The following SLC2A2 variants were observed in gnomAD, a reference collection of about 807,000 sequenced individuals.
The protein encoded by SLC2A2 is solute carrier family 2 member 2, also known as solute carrier family 2, facilitated glucose transporter member 2.
A neutral mutation model predicts 54.5 loss-of-function variants in SLC2A2; 36 were observed. That is an observed-to-expected ratio of 0.66 (90% CI 0.51 to 0.87). The LOEUF is 0.87. SLC2A2 is among the 40% of genes least tolerant of loss of function. The pLI is 0.00. For missense variants in SLC2A2, 543 were observed against 624.3 expected, an observed-to-expected ratio of 0.87 and a Z score of 1.39; for synonymous variants, 223 against 219.1, an observed-to-expected ratio of 1.02 and a Z score of -0.16.
intron 1 of SLC2A2, among the ~76,000 whole-genome samples, chr3:171,019,057 A>ATGTG (rs762355106): frequency 0.028 from 3,899 of 137,792 alleles, 81 homozygotes; most frequent in African/African-American, 0.053. Flanking sequence ...ATTTGTTGAT[A>ATGTG]TGTGTGTGTG....
Position 170,997,970 on chromosome 3 carries a change from C to T in SLC2A2, c.1508G>A (p.Ser503Asn). ...EEIAAEFQKK[S>N]GSAHRPKAAV... The stretch of plus-strand genomic sequence containing the variant: ...AGCTTTTGGCCTGTGGGCTGAGCCA[C>T]TCTTCTTTTGGAATTCTGCAGCAAT... Residue 503 changes from serine to asparagine, a missense_variant, in exon 11 of 11, where the codon AGT becomes AAT. Transcript: ENST00000314251. The T allele has an allele frequency of 6.2e-7, 1 of 1,613,692 alleles. No homozygotes were observed. Among genetic ancestry groups the T allele is most frequent in the South Asian group, 1.1e-5 (1 of 91,080 alleles).
Position 171,026,649 on chromosome 3 carries a change from G to T in SLC2A2, c.15+7C>A. 6.2e-7 allele frequency: 1 copy of T among 1,612,010 alleles called. No homozygotes were observed. The highest frequency in any genetic ancestry group is 8.5e-7 in the Non-Finnish European group (1 of 1,178,064). ...CCAGACTTGAAATGAATATAATGCT[G>T]CTTTACCTTATCTTCTGTCATTGTA... On this transcript the variant is annotated splice_region_variant and intron_variant, in intron 1 of 10. Transcript: ENST00000314251.
At chr3:171,024,833 C>T (rs1455393942) in intron 1 of SLC2A2, among the ~76,000 whole-genome samples, 1 of 152,152 alleles carries the variant, frequency 6.6e-6, no homozygotes, top group Non-Finnish European at 1.5e-5. Context: ...GATAGATTCA[C>T]AAAGCTGAAA....
intron 7 of SLC2A2, among the ~76,000 whole-genome samples, chr3:171,004,734 T>G (rs572697895): frequency 6.6e-6 from 1 of 152,100 alleles, no homozygotes; most frequent in East Asian, 1.9e-4. Flanking sequence ...GCTCAGTATG[T>G]TTTTCAATCA....
rs540342233 is a variant in SLC2A2 at position 171,007,088 on chromosome 3, T to C, written c.612+60A>G. 5.5e-5 allele frequency: 50 copies of C among 901,120 alleles called. No homozygotes were observed. The East Asian group carries it at 1.0e-3, about 18-fold the overall frequency. The allele number at this position is 901,120 out of a possible 1,614,324, so 55.8% of individuals were successfully genotyped here. A position where few individuals can be genotyped will look rare whatever the true frequency, so the allele number is the denominator to read the frequency against. ...ACAGTAGGGGATGCAATAGTAGTAG[T>C]GGTACTGTAGAGGATGAAGTAGATG... On this transcript the variant is annotated intron_variant, in intron 5 of 10. Coordinates refer to ENST00000314251, the MANE Select transcript of SLC2A2 (RefSeq NM_000340.2).
chr3:171,000,184 A>T (rs757454763), intron 8 of SLC2A2, among the ~76,000 whole-genome samples: 37 of 152,228 alleles, frequency 2.4e-4, no homozygotes, highest in Middle Eastern at 3.4e-3. Context: ...CACTCATATC[A>T]GAGTTTTAAA....
chr3:171,005,481 G>T lies in SLC2A2; in HGVS notation c.776-9C>A. The stretch of plus-strand genomic sequence containing the variant: ...TCTGAGTCTTTTCAAGCCTGTCCAA[G>T]AAAATGATCAGGTTGAAACAACTCA... On this transcript the variant is annotated splice_polypyrimidine_tract_variant and intron_variant, in intron 6 of 10. Transcript: ENST00000314251. 1 of 1,609,476 alleles carries T rather than the reference G, an allele frequency of 6.2e-7. No homozygotes were observed. Among genetic ancestry groups the T allele is most frequent in the Non-Finnish European group, 8.5e-7 (1 of 1,176,954 alleles).
chr3:171,022,342 C>T (rs1383700088), intron 1 of SLC2A2, among the ~76,000 whole-genome samples: 1 of 152,194 alleles, frequency 6.6e-6, no homozygotes, highest in Non-Finnish European at 1.5e-5. Flanking sequence ...TAAGAGCATA[C>T]ATATCCACAG....
rs142962013 is a variant in SLC2A2 at position 171,016,263 on chromosome 3, T to G, written c.109-1532A>C. 1.6e-3 allele frequency among the ~76,000 whole-genome samples: 249 copies of G among 152,292 alleles called. 1 individual carries two copies. The highest frequency in any genetic ancestry group is 5.9e-3 in the African/African-American group (245 of 41,566). ...CAGCCTGGCCAACGTGGCAAAACCC[T>G]GTCTCTACTAAAGATACAATAAATT... On this transcript the variant is annotated intron_variant, in intron 2 of 10. Coordinates refer to ENST00000314251, the MANE Select transcript of SLC2A2 (RefSeq NM_000340.2).
At position 171,002,581 on chromosome 3, in the gene SLC2A2, C is replaced by T. The variant is rs140815551; in HGVS notation, c.1063G>A (p.Val355Ile). The change falls in exon 8 of 11, where the codon GTC (valine) becomes ATC (isoleucine). Residue 355 changes from valine (V) to isoleucine (I), a missense_variant. Coordinates refer to ENST00000314251, the MANE Select transcript of SLC2A2 (RefSeq NM_000340.2). ...VGAVNMVFTAVSVFLVEKAGR... is the reference protein window; with the variant it reads ...VGAVNMVFTAISVFLVEKAGR... ...TATCTAGGGCATTGACTTACAGAGA[C>T]AGCAGTGAAAACCATGTTTACAGCG... 5 of 1,594,188 alleles carry T rather than the reference C, an allele frequency of 3.1e-6. No homozygotes were observed. The African/African-American group carries it at 6.7e-5, about 21-fold the overall frequency.
chr3:171,002,135 T>C (rs1278486065), intron 8 of SLC2A2, among the ~76,000 whole-genome samples: 2 of 151,936 alleles, frequency 1.3e-5, no homozygotes, highest in Non-Finnish European at 2.9e-5. Context: ...TTTATTTTTA[T>C]ATGTTTCCCC....
intron 1 of SLC2A2, among the ~76,000 whole-genome samples, chr3:171,025,171 A>C (rs975147116): frequency 1.3e-5 from 2 of 152,090 alleles, no homozygotes; most frequent in Admixed American, 1.3e-4. Flanking sequence ...CTGGGCTATA[A>C]TACTCATGAA....
chr3:170,998,039 G>C lies in SLC2A2; in HGVS notation c.1439C>G (p.Thr480Arg), dbSNP rs757137603. 1.2e-5 allele frequency: 20 copies of C among 1,613,638 alleles called. No individual in the cohort carries two copies. The highest frequency in any genetic ancestry group is 1.5e-5 in the Non-Finnish European group (18 of 1,179,796). Residue 480 changes from threonine to arginine, a missense_variant, in exon 11 of 11, where the codon ACA (threonine) becomes AGA (arginine). Thr to Arg is a moderately conservative substitution (Grantham distance 71). Transcript: ENST00000314251. ...AGVLLAFTLF[T>R]FFKVPETKGK... ...TTTGGTTTCTGGAACTTTAAAAAAT[G>C]TGAACAGGGTAAAGGCCAGGAGCAC...
At chr3:171,012,594 A>G (rs1715944443) in intron 3 of SLC2A2, among the ~76,000 whole-genome samples, 1 of 152,152 alleles carries the variant, frequency 6.6e-6, no homozygotes, top group African/African-American at 2.4e-5. Context: ...ACACAATTGC[A>G]AGGAAACACT....
intron 1 of SLC2A2, among the ~76,000 whole-genome samples, chr3:171,019,905 T>C (rs1029116849): frequency 6.6e-6 from 1 of 152,074 alleles, no homozygotes; most frequent in African/African-American, 2.4e-5. Context: ...GAATGTGAGG[T>C]TGGAGAAGGA....
At chr3:171,015,496 T>TA (rs1451547238) in intron 2 of SLC2A2, among the ~76,000 whole-genome samples, 1 of 152,146 alleles carries the variant, frequency 6.6e-6, no homozygotes, top group African/African-American at 2.4e-5. Flanking sequence ...TTCTGCAGGC[T>TA]AAAAAGATAC....
intron 3 of SLC2A2, among the ~76,000 whole-genome samples, chr3:171,013,902 T>A (rs2108255537): frequency 6.6e-6 from 1 of 152,292 alleles, no homozygotes; most frequent in South Asian, 2.1e-4. Context: ...ACTCAAGTGA[T>A]AAATGGGGGT....
intron 1 of SLC2A2, among the ~76,000 whole-genome samples, chr3:171,026,087 A>G (rs1716678466): frequency 6.6e-6 from 1 of 152,206 alleles, no homozygotes; most frequent in Non-Finnish European, 1.5e-5. Flanking sequence ...ATCCTCCTAC[A>G]TAATTAGATA....
intron 1 of SLC2A2, 94 bp from the exon 2 acceptor site, chr3:171,018,717 A>C: frequency 1.2e-6 from 1 of 826,522 alleles, no homozygotes; most frequent in Non-Finnish European, 2.1e-6. Flanking sequence ...TACAGGCTCC[A>C]CAGGCTGGTT....
Sources: allele counts gnomAD v4.1 joint callset (sites outside exome capture counted in the v4.1 genomes callset), GRCh38; gene constraint gnomAD v4.1.1; transcripts MANE v1.5; gene names NCBI Gene and HGNC (gene_info 2026-07-23, HGNC 2026-07-21).